The following PEX5L variants were observed in gnomAD, a reference collection of about 807,000 sequenced individuals.
PEX5L encodes peroxisomal biogenesis factor 5 like, also known as PEX5-related protein.
In PEX5L, 30 loss-of-function variants were observed where a neutral mutation model predicts 84.0. The observed-to-expected ratio is 0.36, with a 90% CI of 0.27 to 0.48. The LOEUF (loss-of-function observed/expected upper bound fraction) is 0.48. PEX5L is among the 20% of genes least tolerant of loss of function. The probability of loss-of-function intolerance (pLI) is 0.99; values close to 1 mark genes in which losing one functional copy is unlikely to be tolerated. For synonymous variants in PEX5L, 270 were observed against 283.1 expected (o/e 0.95, Z 0.46); for missense variants, 533 against 754.6 (o/e 0.71, Z 3.44).
chr3:180,027,369 T>A lies in PEX5L; in HGVS notation c.21+9210A>T, dbSNP rs577355050. 5.3e-5 allele frequency among the ~76,000 whole-genome samples: 8 copies of A among 152,298 alleles called. No individual in the cohort carries two copies. In the East Asian group the frequency reaches 1.5e-3, roughly 29 times the overall value. ...TTTATTTTGAAATAGTCTCTTAAGC[T>A]TACAGAAAAATTACAAAAAGAGTAC... On this transcript the variant is annotated intron_variant, in intron 1 of 14. Transcript: ENST00000467460.
chr3:179,987,309 CCTCCCTCT>C (rs1202011609), intron 1 of PEX5L, among the ~76,000 whole-genome samples: 25 of 151,144 alleles, frequency 1.7e-4, no homozygotes, highest in Non-Finnish European at 3.4e-4. Context: ...CTCTTCCCTC[CCTCCCTCT>C]CTCCCTCTCC....
intron 2 of PEX5L, among the ~76,000 whole-genome samples, chr3:179,899,062 CACAT>C (rs1760339660): frequency 6.6e-6 from 1 of 151,784 alleles, no homozygotes; most frequent in Non-Finnish European, 1.5e-5. Flanking sequence ...TGTATACAAA[CACAT>C]ACATATCCCT....
intron 1 of PEX5L, among the ~76,000 whole-genome samples, chr3:180,034,474 A>G (rs959265422): frequency 2.6e-5 from 4 of 152,154 alleles, no homozygotes; most frequent in African/African-American, 9.7e-5. Context: ...TATTTTGTCC[A>G]TAGGCTAAAT....
intron 1 of PEX5L, chr3:179,974,125 G>C: frequency 2.0e-6 from 2 of 985,494 alleles, no homozygotes; most frequent in Non-Finnish European, 2.4e-6. Flanking sequence ...CCTCCCAGCC[G>C]GGAATCCCTG....
At chr3:179,906,607 G>A (rs1277965632) in intron 2 of PEX5L, among the ~76,000 whole-genome samples, 2 of 152,156 alleles carry the variant, frequency 1.3e-5, no homozygotes, top group Non-Finnish European at 2.9e-5. Context: ...AGAGGCCTTT[G>A]AGGATTGTGT....
intron 7 of PEX5L, among the ~76,000 whole-genome samples, chr3:179,872,529 G>A (rs1186515244): frequency 1.3e-5 from 2 of 152,172 alleles, no homozygotes; most frequent in Admixed American, 1.3e-4. Context: ...ATTTTCTAAA[G>A]TATTTTGTCT....
intron 8 of PEX5L, among the ~76,000 whole-genome samples, chr3:179,825,696 T>C (rs1365049786): frequency 6.6e-6 from 1 of 152,334 alleles, no homozygotes; most frequent in East Asian, 1.9e-4. Context: ...GCTGTAATTC[T>C]GGCTAGGCTC....
At chr3:179,875,508 G>C (rs957541966) in intron 5 of PEX5L, 31 bp from the exon 6 acceptor site, 1 of 1,606,886 alleles carries the variant, frequency 6.2e-7, no homozygotes, top group African/African-American at 1.3e-5. Context: ...AGGTGAGGCA[G>C]GTGGCGGCAG....
At chr3:179,922,440 CCTTTTCTTTT>C (rs1211162490) in intron 2 of PEX5L, among the ~76,000 whole-genome samples, 2 of 129,328 alleles carry the variant, frequency 1.5e-5, no homozygotes, top group African/African-American at 5.7e-5. Context: ...TTCACTGCTT[CCTTTTCTTTT>C]CTTTTTTTTT....
intron 14 of PEX5L, among the ~76,000 whole-genome samples, 180 bp downstream of exon 14, chr3:179,807,494 A>G (rs944208841): frequency 1.3e-5 from 2 of 152,230 alleles, no homozygotes; most frequent in Admixed American, 6.5e-5. Context: ...TGAGAACCAG[A>G]GAAGCACAGG....
At chr3:179,953,792 G>C (rs1422913864) in intron 2 of PEX5L, among the ~76,000 whole-genome samples, 1 of 152,116 alleles carries the variant, frequency 6.6e-6, no homozygotes, top group Non-Finnish European at 1.5e-5. Context: ...CAGCCTCGCC[G>C]ATGGATGAAA....
At chr3:179,874,748 T>TG (rs1553873388) in intron 6 of PEX5L, among the ~76,000 whole-genome samples, 2 of 134,406 alleles carry the variant, frequency 1.5e-5, no homozygotes, top group Admixed American at 7.7e-5. Flanking sequence ...GTTTTTTTTT[T>TG]TTTTTTTTTT....
intron 8 of PEX5L, among the ~76,000 whole-genome samples, chr3:179,852,319 C>T (rs193184119): frequency 1.3e-5 from 2 of 152,190 alleles, no homozygotes; most frequent in African/African-American, 2.4e-5. Context: ...GCTGGGTTTA[C>T]CCCAGAGTGA....
chr3:179,961,201 A>ATGTG (rs72242969), intron 2 of PEX5L, among the ~76,000 whole-genome samples: 181 of 65,320 alleles, frequency 2.8e-3, no homozygotes, highest in Middle Eastern at 8.6e-3. Context: ...GTGTATGTGT[A>ATGTG]TGTGTGTGTG....
intron 1 of PEX5L, among the ~76,000 whole-genome samples, chr3:180,017,804 G>A (rs1398441275): frequency 6.6e-6 from 1 of 152,082 alleles, no homozygotes; most frequent in Non-Finnish European, 1.5e-5. Flanking sequence ...ATGAATGAAT[G>A]AATAAGTATT....
intron 2 of PEX5L, among the ~76,000 whole-genome samples, chr3:179,939,012 CTAGTAA>C (rs1775355860): frequency 6.6e-6 from 1 of 152,176 alleles, no homozygotes; most frequent in Non-Finnish European, 1.5e-5. Flanking sequence ...ATGACCTGGT[CTAGTAA>C]ATGGCTCAGG....
At chr3:179,848,057 T>A (rs1258451634) in intron 8 of PEX5L, among the ~76,000 whole-genome samples, 1 of 152,102 alleles carries the variant, frequency 6.6e-6, no homozygotes, top group Non-Finnish European at 1.5e-5. Context: ...AACCCCTGGC[T>A]TCACTGTAAG....
chr3:179,904,935 T>C (rs1022232068), intron 2 of PEX5L, among the ~76,000 whole-genome samples: 1 of 152,192 alleles, frequency 6.6e-6, no homozygotes, highest in African/African-American at 2.4e-5. Context: ...ATGCCCATCA[T>C]GGCTCTTCCT....
chr3:179,805,144 G>GT (rs1560154303), intron 14 of PEX5L, among the ~76,000 whole-genome samples: 2 of 133,306 alleles, frequency 1.5e-5, no homozygotes, highest in African/African-American at 3.0e-5. Flanking sequence ...TCACTCGATG[G>GT]TCTTTTTTTT....
Sources: gnomAD v4.1 joint callset for allele counts (sites outside exome capture counted in the v4.1 genomes callset) on GRCh38, gnomAD v4.1.1 for gene constraint, MANE v1.5 for transcripts, NCBI Gene and HGNC (gene_info 2026-07-23, HGNC 2026-07-21) for gene names.